Variants in AUTS2 observed in about 807,000 individuals in gnomAD.
The protein encoded by AUTS2 is activator of transcription and developmental regulator AUTS2.
Under a neutral mutation model 112.4 loss-of-function variants are expected in AUTS2, and 17 were observed. That is an observed-to-expected ratio of 0.15 (90% confidence interval 0.10 to 0.23). The LOEUF is 0.23. Among genes scored for constraint, AUTS2 ranks in the 10% least tolerant of loss-of-function variants. AUTS2 has a pLI of 1.00. For missense variants in AUTS2, 1,510 were observed against 1,701.6 expected (o/e 0.89, Z 1.98); for synonymous variants, 751 against 702.7 (o/e 1.07, Z -1.09).
intron 1 of AUTS2, among the ~76,000 whole-genome samples, chr7:69,699,723 C>T (rs574061259): frequency 6.7e-6 from 1 of 150,108 alleles, no homozygotes; most frequent in East Asian, 2.0e-4. Context: ...CGGCTCACTG[C>T]AACCTCTGCC....
At chr7:70,229,688 C>G (rs1433286850) in intron 4 of AUTS2, among the ~76,000 whole-genome samples, 2 of 152,054 alleles carry the variant, frequency 1.3e-5, no homozygotes, top group Admixed American at 1.3e-4. Context: ...CTTGGAATCT[C>G]CATTATGTGT....
chr7:69,735,281 G>A (rs1487842254), intron 1 of AUTS2, among the ~76,000 whole-genome samples: 1 of 152,180 alleles, frequency 6.6e-6, no homozygotes, highest in Non-Finnish European at 1.5e-5. Flanking sequence ...TGAAACTGGG[G>A]TATCAGACCT....
At chr7:69,620,762 T>A (rs1172476955) in intron 1 of AUTS2, among the ~76,000 whole-genome samples, 1 of 152,204 alleles carries the variant, frequency 6.6e-6, no homozygotes, top group Non-Finnish European at 1.5e-5. Context: ...AATGAGTTTT[T>A]GTTAATATTC....
chr7:69,832,371 G>A (rs1562914697), intron 1 of AUTS2, among the ~76,000 whole-genome samples: 1 of 152,178 alleles, frequency 6.6e-6, no homozygotes, highest in African/African-American at 2.4e-5. Context: ...GATATGATTG[G>A]TAGTTCTAGA....
intron 2 of AUTS2, among the ~76,000 whole-genome samples, chr7:70,097,860 G>T (rs1174541187): frequency 1.3e-5 from 2 of 152,154 alleles, no homozygotes; most frequent in East Asian, 3.8e-4. Flanking sequence ...GATAAAGTGC[G>T]GCAGTCTAGA....
At chr7:70,703,859 G>A (rs898273840) in intron 6 of AUTS2, among the ~76,000 whole-genome samples, 1 of 152,126 alleles carries the variant, frequency 6.6e-6, no homozygotes, top group African/African-American at 2.4e-5. Context: ...GAGTTTTTAG[G>A]AGATAGAGAT....
intron 6 of AUTS2, among the ~76,000 whole-genome samples, chr7:70,741,395 G>A (rs1273208722): frequency 6.6e-6 from 1 of 152,032 alleles, no homozygotes; most frequent in African/African-American, 2.4e-5. Flanking sequence ...ATGCTAAATG[G>A]TTAAGAAATA....
In AUTS2 at chr7:70,163,336, T is replaced by TGTG. The variant is rs1167055985; in HGVS notation, c.660+28773_660+28775dup. On this transcript the variant is annotated intron_variant, in intron 4 of 18. Transcript: ENST00000342771. Reference sequence around the variant, plus strand: ...TTCATACCAAAGATGAGTGTTAGGTTGTGGTGGTGGGGGGGGGGGGGGCAG... The same window carrying TGTG: ...TTCATACCAAAGATGAGTGTTAGGTTGTGGTGGTGGTGGGGGGGGGGGGGGCAG... Among the ~76,000 whole-genome samples the TGTG allele has an allele frequency of 1.2e-3, 8 of 6,546 alleles. 1 individual carries two copies. The highest frequency in any genetic ancestry group is 2.2e-3 in the Non-Finnish European group (7 of 3,212). The allele number at this position is 6,546 out of a possible 152,430, so 4.3% of individuals were successfully genotyped here.
intron 1 of AUTS2, among the ~76,000 whole-genome samples, chr7:69,737,633 C>T (rs977968819): frequency 6.6e-6 from 1 of 152,160 alleles, no homozygotes; most frequent in Admixed American, 6.5e-5. Flanking sequence ...AGCAGCCTGC[C>T]TTGTTCATGG....
At chr7:69,908,139 CA>C (rs1286170897) in intron 2 of AUTS2, among the ~76,000 whole-genome samples, 1 of 152,136 alleles carries the variant, frequency 6.6e-6, no homozygotes, top group Non-Finnish European at 1.5e-5. Flanking sequence ...CTATCTGGGA[CA>C]AAACCGTGCT....
At chr7:70,656,275 G>T (rs1197330316) in intron 5 of AUTS2, among the ~76,000 whole-genome samples, 1 of 151,868 alleles carries the variant, frequency 6.6e-6, no homozygotes, top group Admixed American at 6.6e-5. Context: ...TTTTTTAATA[G>T]ATTACTTTTC....
chr7:70,790,837 C>T lies in AUTS2; in HGVS notation c.3621C>T (p.Leu1207=). Residue 1207 remains leucine (L), a synonymous_variant, in exon 19 of 19, where the codon CTC becomes CTT. Coordinates refer to ENST00000342771, the MANE Select transcript of AUTS2 (RefSeq NM_015570.4). This position sits in a 1 kb window ranked among gnomAD's most constrained non-coding sequence, Gnocchi z 7.6. ...CCACCGCGGGCAACCAGAACGGACT[C>T]CTCAACAAGACCCCTCCGACAGCAG... is the stretch of plus-strand genomic sequence containing the variant. The part of the protein sequence containing the change: ...ISPTAGNQNG[L]LNKTPPTAAL... The T allele has an allele frequency of 6.2e-7, 1 of 1,607,486 alleles. No individual in the cohort carries two copies. Among genetic ancestry groups the T allele is most frequent in the Non-Finnish European group, 8.5e-7 (1 of 1,176,416 alleles).
intron 1 of AUTS2, among the ~76,000 whole-genome samples, chr7:69,605,881 G>A (rs745389987): frequency 6.6e-6 from 1 of 152,160 alleles, no homozygotes; most frequent in Non-Finnish European, 1.5e-5. Context: ...TGAATAGTGT[G>A]TGTGGTTATG....
chr7:70,278,521 T>C (rs1262277704), intron 4 of AUTS2, among the ~76,000 whole-genome samples: 1 of 152,040 alleles, frequency 6.6e-6, no homozygotes, highest in East Asian at 1.9e-4. Context: ...GGAGGCTGAG[T>C]GAGTGAGAGT....
chr7:70,546,403 C>G (rs1585283666), intron 5 of AUTS2, among the ~76,000 whole-genome samples: 8 of 151,882 alleles, frequency 5.3e-5, no homozygotes. Context: ...GAGATTGCAC[C>G]ACTGCACTCC....
intron 6 of AUTS2, among the ~76,000 whole-genome samples, chr7:70,704,725 G>A (rs1217690295): frequency 6.6e-6 from 1 of 152,220 alleles, no homozygotes; most frequent in Non-Finnish European, 1.5e-5. Flanking sequence ...CCCCAGACAG[G>A]AGGGTTCCTA....
chr7:70,038,148 G>A (rs1801091286), intron 2 of AUTS2, among the ~76,000 whole-genome samples: 1 of 152,012 alleles, frequency 6.6e-6, no homozygotes, highest in African/African-American at 2.4e-5. Flanking sequence ...AGTGGAGGTA[G>A]TGTTGAGAAC....
intron 5 of AUTS2, among the ~76,000 whole-genome samples, chr7:70,588,902 G>T (rs1206198464): frequency 6.6e-6 from 1 of 152,072 alleles, no homozygotes; most frequent in African/African-American, 2.4e-5. Context: ...TTTTACATCT[G>T]AATTCGGGTA....
At chr7:69,612,591 C>T (rs1307122422) in intron 1 of AUTS2, among the ~76,000 whole-genome samples, 1 of 152,040 alleles carries the variant, frequency 6.6e-6, no homozygotes, top group Non-Finnish European at 1.5e-5. Flanking sequence ...TCCTGAGTAG[C>T]TGGGACCACA....
Sources: allele counts gnomAD v4.1 joint callset (sites outside exome capture counted in the v4.1 genomes callset), GRCh38; gene constraint gnomAD v4.1.1; non-coding constraint Gnocchi (gnomAD v3.1); transcripts MANE v1.5; gene names NCBI Gene and HGNC (gene_info 2026-07-23, HGNC 2026-07-21).